CHST11: variants seen among roughly 807,000 people sequenced by gnomAD.
CHST11 encodes carbohydrate sulfotransferase 11, also known as C4S-1.
In CHST11, 9 loss-of-function variants were observed where a neutral mutation model predicts 30.4. The ratio of observed to expected loss-of-function variants is 0.30; its 90% confidence interval spans 0.18 to 0.52. The LOEUF (loss-of-function observed/expected upper bound fraction) is 0.52. Among genes scored for constraint, CHST11 ranks in the 20% least tolerant of loss-of-function variants. The probability of loss-of-function intolerance (pLI) is 0.97; values close to 1 mark genes in which losing one functional copy is unlikely to be tolerated. For missense variants in CHST11, 348 were observed against 460.6 expected, an observed-to-expected ratio of 0.76 and a Z score of 2.24; for synonymous variants, 152 against 187.8, an observed-to-expected ratio of 0.81 and a Z score of 1.56.
At chr12:104,725,553 T>A (rs1205153198) in intron 2 of CHST11, among the ~76,000 whole-genome samples, 1 of 151,604 alleles carries the variant, frequency 6.6e-6, no homozygotes, top group African/African-American at 2.4e-5. Flanking sequence ...CTGCCTCCCC[T>A]GTGTCTCCTC....
intron 2 of CHST11, among the ~76,000 whole-genome samples, chr12:104,684,534 A>G (rs968679819): frequency 1.3e-5 from 2 of 152,080 alleles, no homozygotes; most frequent in African/African-American, 2.4e-5. Context: ...TTTGTTTGAT[A>G]TGGTTTGGTT....
At chr12:104,712,675 C>T (rs750899185) in intron 2 of CHST11, among the ~76,000 whole-genome samples, 9 of 152,156 alleles carry the variant, frequency 5.9e-5, no homozygotes, top group Non-Finnish European at 8.8e-5. Flanking sequence ...AAATCCTGGT[C>T]GGCCAGAGCC....
intron 2 of CHST11, among the ~76,000 whole-genome samples, chr12:104,632,570 T>A (rs567241899): frequency 7.2e-4 from 110 of 152,312 alleles, no homozygotes; most frequent in Non-Finnish European, 1.2e-3. Flanking sequence ...TGGCAAGCTG[T>A]CAGGGTTGGT....
intron 2 of CHST11, among the ~76,000 whole-genome samples, chr12:104,614,005 G>A (rs1301588848): frequency 1.3e-5 from 2 of 152,142 alleles, no homozygotes; most frequent in East Asian, 1.9e-4. Context: ...ATAATATATT[G>A]TAGACTTGAA....
At chr12:104,514,190 C>G in intron 1 of CHST11, 1 of 920,064 alleles carries the variant, frequency 1.1e-6, no homozygotes, top group South Asian at 1.3e-5. Flanking sequence ...CATAGGAGTT[C>G]CAGACCAGTG....
At chr12:104,652,944 T>C (rs536438771) in intron 2 of CHST11, among the ~76,000 whole-genome samples, 64 of 152,300 alleles carry the variant, frequency 4.2e-4, no homozygotes, top group African/African-American at 1.5e-3. Flanking sequence ...ACCTTGGGCC[T>C]AATGACCACT....
At chr12:104,634,766 C>G (rs1057264800) in intron 2 of CHST11, among the ~76,000 whole-genome samples, 7 of 152,166 alleles carry the variant, frequency 4.6e-5, no homozygotes, top group Non-Finnish European at 1.0e-4. Flanking sequence ...TAACCCAGGG[C>G]TAGTGGCTTC....
intron 2 of CHST11, among the ~76,000 whole-genome samples, chr12:104,695,315 A>G (rs75448991): frequency 0.022 from 3,368 of 152,302 alleles, 54 homozygotes; most frequent in African/African-American, 0.04. Flanking sequence ...GTTTGAAGGC[A>G]CTGAGGTAGA....
chr12:104,631,987 A>T (rs537126466), intron 2 of CHST11, among the ~76,000 whole-genome samples: 16 of 152,230 alleles, frequency 1.1e-4, no homozygotes, highest in African/African-American at 3.9e-4. Context: ...CACAATGCTG[A>T]GGGGCTGGAT....
intron 2 of CHST11, among the ~76,000 whole-genome samples, chr12:104,708,497 C>T (rs955763480): frequency 2.6e-5 from 4 of 152,120 alleles, no homozygotes; most frequent in African/African-American, 4.8e-5. Context: ...CTGGCAGGAT[C>T]CTGGTGAGGA....
At chr12:104,728,721 G>T (rs1174319581) in intron 2 of CHST11, among the ~76,000 whole-genome samples, 3 of 152,182 alleles carry the variant, frequency 2.0e-5, no homozygotes, top group Non-Finnish European at 4.4e-5. Context: ...ACCCGGGAAG[G>T]CTTGCTCCCA....
chr12:104,557,904 T>G (rs1331116022), intron 1 of CHST11, among the ~76,000 whole-genome samples: 1 of 151,862 alleles, frequency 6.6e-6, no homozygotes, highest in Non-Finnish European at 1.5e-5. Context: ...TAGGTCTGAC[T>G]TGGGGGAAGG....
intron 1 of CHST11, among the ~76,000 whole-genome samples, chr12:104,527,387 G>A (rs1200076555): frequency 6.6e-6 from 1 of 152,184 alleles, no homozygotes; most frequent in East Asian, 1.9e-4. Flanking sequence ...GTCACAGGAG[G>A]TCTTTTGTCT....
At chr12:104,755,868 C>T (rs982515979) in intron 2 of CHST11, among the ~76,000 whole-genome samples, 3 of 151,920 alleles carry the variant, frequency 2.0e-5, no homozygotes, top group Admixed American at 6.6e-5. Flanking sequence ...GCCTAAGGAA[C>T]GCTTGCGGCA....
At chr12:104,638,181 G>A (rs1275678107) in intron 2 of CHST11, among the ~76,000 whole-genome samples, 1 of 152,140 alleles carries the variant, frequency 6.6e-6, no homozygotes, top group Non-Finnish European at 1.5e-5. Context: ...GAAGGAGCTG[G>A]AGGAAAAGAA....
At chr12:104,637,017 G>T (rs1377928001) in intron 2 of CHST11, among the ~76,000 whole-genome samples, 3 of 151,830 alleles carry the variant, frequency 2.0e-5, no homozygotes, top group African/African-American at 7.3e-5. Context: ...AAAGACCCTT[G>T]GCTGGCTAGG....
rs139325345 is a variant in CHST11, at chr12:104,529,157, G to A, written c.118+71628G>A. On this transcript the variant is annotated intron_variant, in intron 1 of 2. Coordinates refer to ENST00000303694, the MANE Select transcript of CHST11 (RefSeq NM_018413.6). Reference sequence around the variant, plus strand: ...GGGGAAGGAGATGAGGGCAAATTGAGCACCTGGAGACCAGAGTAACTAAGG... The same window carrying A: ...GGGGAAGGAGATGAGGGCAAATTGAACACCTGGAGACCAGAGTAACTAAGG... Among the ~76,000 whole-genome samples the A allele has an allele frequency of 2.6e-5, 4 of 152,352 alleles. No homozygotes were observed. The East Asian group carries it at 7.7e-4, about 29-fold the overall frequency.
At chr12:104,540,508 G>A (rs1290310688) in intron 1 of CHST11, among the ~76,000 whole-genome samples, 2 of 152,222 alleles carry the variant, frequency 1.3e-5, no homozygotes, top group African/African-American at 4.8e-5. Context: ...CAGAAAGAGT[G>A]TGTATGTGTG....
chr12:104,701,136 C>T, intron 2 of CHST11, among the ~76,000 whole-genome samples: 1 of 152,066 alleles, frequency 6.6e-6, no homozygotes, highest in Non-Finnish European at 1.5e-5. Flanking sequence ...TCTTTATAAC[C>T]CCTCCATCTG....
Sources: allele counts gnomAD v4.1 joint callset (sites outside exome capture counted in the v4.1 genomes callset), GRCh38; gene constraint gnomAD v4.1.1; transcripts MANE v1.5; gene names NCBI Gene and HGNC (gene_info 2026-07-23, HGNC 2026-07-21).